Variants in CSMD1 observed in about 807,000 individuals in gnomAD.
CSMD1 encodes the protein CUB and Sushi multiple domains 1.
A neutral mutation model predicts 417.5 loss-of-function variants in CSMD1; 213 were observed. That is an observed-to-expected ratio of 0.51 (90% confidence interval 0.46 to 0.57). The LOEUF (loss-of-function observed/expected upper bound fraction) is 0.57. Ranked by LOEUF, CSMD1 falls within the 20% of genes least tolerant of loss-of-function variation. The pLI, the probability that CSMD1 is intolerant of heterozygous loss-of-function variation, is 0.00. For synonymous variants in CSMD1, 2,862 were observed against 1,736.8 expected, an observed-to-expected ratio of 1.65 and a Z score of -16.11; for missense variants, 6,923 against 4,529.7, an observed-to-expected ratio of 1.53 and a Z score of -15.17.
At chr8:3,469,741 C>T (rs1403310699) in intron 11 of CSMD1, among the ~76,000 whole-genome samples, 3 of 152,170 alleles carry the variant, frequency 2.0e-5, no homozygotes, top group Non-Finnish European at 2.9e-5. Flanking sequence ...ACATCCTCAC[C>T]TTAGGCAGTA....
chr8:3,239,737 G>C (rs1799376151), intron 26 of CSMD1, among the ~76,000 whole-genome samples: 1 of 152,216 alleles, frequency 6.6e-6, no homozygotes, highest in South Asian at 2.1e-4. Context: ...GGGGCGATTA[G>C]GCCTGGTGGA....
At chr8:3,767,246 C>T (rs1030062489) in intron 5 of CSMD1, among the ~76,000 whole-genome samples, 2 of 152,232 alleles carry the variant, frequency 1.3e-5, no homozygotes, top group Non-Finnish European at 2.9e-5. Flanking sequence ...GCAGCTCAGG[C>T]TCTTTTATGA....
intron 3 of CSMD1, among the ~76,000 whole-genome samples, chr8:4,087,287 C>T (rs1411446433): frequency 3.9e-5 from 6 of 152,178 alleles, no homozygotes; most frequent in African/African-American, 1.4e-4. Flanking sequence ...CACTCTCCTT[C>T]CTTCTCCTTC....
At chr8:3,419,856 C>T (rs1813378378) in intron 12 of CSMD1, among the ~76,000 whole-genome samples, 1 of 152,060 alleles carries the variant, frequency 6.6e-6, no homozygotes, top group African/African-American at 2.4e-5. Flanking sequence ...AGCAGGATAG[C>T]AAAGTGAGTA....
At chr8:4,505,659 C>T (rs1414423203) in intron 2 of CSMD1, among the ~76,000 whole-genome samples, 1 of 152,096 alleles carries the variant, frequency 6.6e-6, no homozygotes, top group African/African-American at 2.4e-5. Context: ...GTCCAGTGTC[C>T]ATGTTGCTCC....
At chr8:4,607,770 C>G (rs566327986) in intron 2 of CSMD1, among the ~76,000 whole-genome samples, 2 of 152,312 alleles carry the variant, frequency 1.3e-5, no homozygotes, top group South Asian at 4.1e-4. Flanking sequence ...GTGACTCTCT[C>G]TTGAGTAAAT....
At chr8:4,248,344 A>G (rs2128828684) in intron 3 of CSMD1, among the ~76,000 whole-genome samples, 1 of 152,304 alleles carries the variant, frequency 6.6e-6, no homozygotes, top group Non-Finnish European at 1.5e-5. Flanking sequence ...TCCCAGCCAA[A>G]CACGCTTTTA....
intron 3 of CSMD1, among the ~76,000 whole-genome samples, chr8:4,055,565 G>T (rs1298264676): frequency 1.4e-5 from 2 of 140,802 alleles, no homozygotes; most frequent in African/African-American, 6.3e-5. Context: ...ATATAAAGAA[G>T]AAGAGTCAAA....
intron 26 of CSMD1, among the ~76,000 whole-genome samples, chr8:3,243,949 G>A (rs941200843): frequency 6.6e-6 from 1 of 152,046 alleles, no homozygotes; most frequent in African/African-American, 2.4e-5. Flanking sequence ...TTTGTTGACC[G>A]AGGTATTAGT....
At chr8:3,558,765 T>C (rs1799335950) in intron 10 of CSMD1, among the ~76,000 whole-genome samples, 2 of 151,698 alleles carry the variant, frequency 1.3e-5, no homozygotes, top group South Asian at 2.1e-4. Flanking sequence ...AGTGCCTCAA[T>C]AGTACCCCGC....
intron 5 of CSMD1, among the ~76,000 whole-genome samples, chr8:3,918,723 G>A (rs141864557): frequency 2.0e-5 from 3 of 152,094 alleles, no homozygotes; most frequent in South Asian, 2.1e-4. Flanking sequence ...AATGGCATTT[G>A]CAGCAACCTG....
At chr8:3,928,113 G>A (rs1420238842) in intron 5 of CSMD1, among the ~76,000 whole-genome samples, 1 of 151,944 alleles carries the variant, frequency 6.6e-6, no homozygotes, top group African/African-American at 2.4e-5. Context: ...ACATACAAAG[G>A]TAAATAAACT....
intron 1 of CSMD1, among the ~76,000 whole-genome samples, chr8:4,817,694 A>T (rs1799286131): frequency 6.6e-6 from 1 of 152,238 alleles, no homozygotes; most frequent in African/African-American, 2.4e-5. Context: ...ATGCTATCAC[A>T]ATCAATACTT....
At chr8:4,026,329 T>C (rs1051967383) in intron 4 of CSMD1, among the ~76,000 whole-genome samples, 5 of 152,218 alleles carry the variant, frequency 3.3e-5, no homozygotes, top group Non-Finnish European at 5.9e-5. Context: ...AATGTAAATG[T>C]AATAATCTAT....
intron 37 of CSMD1, among the ~76,000 whole-genome samples, chr8:3,175,381 A>G (rs1446565054): frequency 6.6e-6 from 1 of 151,970 alleles, no homozygotes; most frequent in Non-Finnish European, 1.5e-5. Context: ...TGATACTGCA[A>G]TTTTTCTATC....
At chr8:3,963,342 A>G (rs546091392) in intron 5 of CSMD1, among the ~76,000 whole-genome samples, 6 of 152,190 alleles carry the variant, frequency 3.9e-5, no homozygotes, top group Non-Finnish European at 5.9e-5. Context: ...AATATGTTGG[A>G]AAGAACGTGT....
intron 1 of CSMD1, among the ~76,000 whole-genome samples, chr8:4,956,758 T>C (rs944380806): frequency 2.6e-5 from 4 of 152,134 alleles, no homozygotes; most frequent in Admixed American, 2.6e-4. Flanking sequence ...TTCCAGGGAA[T>C]GGAGACTTCA....
chr8:3,389,150 T>G (rs896223813), intron 17 of CSMD1, among the ~76,000 whole-genome samples: 5 of 152,200 alleles, frequency 3.3e-5, no homozygotes, highest in African/African-American at 7.2e-5. Flanking sequence ...GGGGTACATG[T>G]GCAGGTTTGT....
intron 10 of CSMD1, among the ~76,000 whole-genome samples, chr8:3,495,530 A>G (rs1323299312): frequency 6.6e-6 from 1 of 152,192 alleles, no homozygotes; most frequent in Non-Finnish European, 1.5e-5. Context: ...CATCTCAACA[A>G]TCAGCAGGTC....
Sources: allele counts gnomAD v4.1 joint callset (sites outside exome capture counted in the v4.1 genomes callset), GRCh38; gene constraint gnomAD v4.1.1; transcripts MANE v1.5; gene names NCBI Gene and HGNC (gene_info 2026-07-23, HGNC 2026-07-21).